Variants in TACC2 observed in about 807,000 individuals in gnomAD.
TACC2 encodes transforming acidic coiled-coil-containing protein 2.
TACC2 carries 137 observed loss-of-function variants against 227.3 expected under a neutral mutation model. The observed-to-expected ratio is 0.60, with a 90% confidence interval of 0.52 to 0.69. The LOEUF (loss-of-function observed/expected upper bound fraction) is 0.69, where lower values mean the gene tolerates loss of function less well. TACC2 is among the 30% of genes least tolerant of loss of function. The pLI, the probability that TACC2 is intolerant of heterozygous loss-of-function variation, is 0.00. For synonymous variants in TACC2, 1,523 were observed against 1,487.5 expected (o/e 1.02, Z -0.55); for missense variants, 3,470 against 3,694.4 (o/e 0.94, Z 1.57).
chr10:122,210,358 C>T lies in TACC2; in HGVS notation c.5972-39C>T. 1 of 1,526,550 alleles carries T rather than the reference C, an allele frequency of 6.6e-7. No homozygotes were observed. The highest frequency in any genetic ancestry group is 9.1e-7 in the Non-Finnish European group (1 of 1,100,756). The allele number at this position is 1,526,550 out of a possible 1,614,324, so 94.6% of individuals were successfully genotyped here. On this transcript the variant is annotated intron_variant, in intron 8 of 22. Transcript: ENST00000369005. This position sits in a 1 kb window ranked among gnomAD's most constrained non-coding sequence, Gnocchi z 4.6. ...AAGAGGAGAGGTGCCCCAATGCGTC[C>T]TGTGTCTGTAATTGATGGCGTTGTC...
Position 122,050,508 on chromosome 10 carries a change from A to T in TACC2, c.104A>T (p.Gln35Leu), listed in dbSNP as rs758882459. The change falls in exon 3 of 23, where the codon CAG becomes CTG. Residue 35 changes from glutamine to leucine, a missense_variant. Around this residue, in one of 10 missense-constraint regions of TACC2, gnomAD observed 405 missense variants for 389.6 expected, o/e 1.04. Coordinates refer to ENST00000369005, the MANE Select transcript of TACC2 (RefSeq NM_206862.4). This position sits in a 1 kb window ranked among gnomAD's most constrained non-coding sequence, Gnocchi z 4.6. ...AACAGTCAGAATATAAAAAGGAAGC[A>T]GCAGGACACGCCCGGAAGCCCTGAC... Reference protein sequence around the residue: ...PGNSQNIKRKQQDTPGSPDHR... With the variant: ...PGNSQNIKRKLQDTPGSPDHR... The T allele has an allele frequency of 5.6e-6, 9 of 1,614,148 alleles. No homozygotes were observed. Among genetic ancestry groups the T allele is most frequent in the Non-Finnish European group, 7.6e-6 (9 of 1,180,026 alleles).
At chr10:122,220,049 A>AG (rs1241829184) in intron 11 of TACC2, among the ~76,000 whole-genome samples, 4 of 151,962 alleles carry the variant, frequency 2.6e-5, no homozygotes, top group Non-Finnish European at 4.4e-5. Flanking sequence ...AAAAAAAAAA[A>AG]AAGAAAAAAG....
At chr10:122,130,415 G>A (rs1274805199) in intron 5 of TACC2, among the ~76,000 whole-genome samples, 1 of 152,082 alleles carries the variant, frequency 6.6e-6, no homozygotes, top group Non-Finnish European at 1.5e-5. Context: ...GGGGGGTAGG[G>A]CTGAGGGTCA....
chr10:122,158,406 C>A (rs1160359268), intron 7 of TACC2, among the ~76,000 whole-genome samples: 3 of 151,024 alleles, frequency 2.0e-5, no homozygotes, highest in Non-Finnish European at 4.4e-5. Flanking sequence ...AAAAAAAAAA[C>A]AAAAACAAAA....
intron 7 of TACC2, among the ~76,000 whole-genome samples, chr10:122,152,703 A>G (rs1200950434): frequency 2.6e-5 from 4 of 152,222 alleles, no homozygotes; most frequent in African/African-American, 9.6e-5. Context: ...ACATCTGTCC[A>G]GACTGACGTA....
chr10:122,227,822 C>A lies in TACC2; in HGVS notation c.7725-15C>A. 6.2e-7 allele frequency: 1 copy of A among 1,601,246 alleles called. No homozygotes were observed. Among genetic ancestry groups the A allele is most frequent in the South Asian group, 1.1e-5 (1 of 89,582 alleles). On this transcript the variant is annotated splice_polypyrimidine_tract_variant and intron_variant, in intron 13 of 22. Transcript: ENST00000369005. Reference sequence around the variant, plus strand: ...AATGAGAAGACTAAAGAAAGATGCCCTTTGCTTCCCCCAGGTCAAGTTTTG... The same window carrying A: ...AATGAGAAGACTAAAGAAAGATGCCATTTGCTTCCCCCAGGTCAAGTTTTG...
chr10:122,157,516 A>AT (rs55961900), intron 7 of TACC2, among the ~76,000 whole-genome samples: 202 of 145,154 alleles, frequency 1.4e-3, no homozygotes, highest in African/African-American at 3.7e-3. Flanking sequence ...CATCCATGGG[A>AT]TTTTTTTTTT....
chr10:121,997,300 G>C (rs1014194872), intron 1 of TACC2, among the ~76,000 whole-genome samples: 1 of 152,248 alleles, frequency 6.6e-6, no homozygotes, highest in East Asian at 1.9e-4. Flanking sequence ...CTGGTCTGAG[G>C]GTGGATGGAT....
chr10:122,020,116 T>G (rs1164042473), intron 1 of TACC2, among the ~76,000 whole-genome samples: 3 of 152,184 alleles, frequency 2.0e-5, no homozygotes, highest in African/African-American at 7.2e-5. Context: ...TGGTTAATGA[T>G]TGTCACAAAT....
rs2080140749 is a variant in TACC2 at position 122,086,809 on chromosome 10, G to C, written c.4309G>C (p.Ala1437Pro). Residue 1437 changes from alanine to proline, a missense_variant, in exon 4 of 23, where the codon GCA (alanine) becomes CCA (proline). Around this residue, in one of 10 missense-constraint regions of TACC2, gnomAD observed 1,924 missense variants for 1,978.3 expected, o/e 0.97. Transcript: ENST00000369005. ...PGEKAGAGRS[A>P]VGKDLTRPLG... ...AGAAAAGGCAGGAGCTGGGAGGAGT[G>C]CAGTGGGTAAAGACCTCACCAGGCC... The C allele has an allele frequency of 4.3e-6, 7 of 1,613,866 alleles. No homozygotes were observed. In the African/African-American group the frequency reaches 8.0e-5, roughly 18 times the overall value.
At chr10:122,102,475 T>C (rs894832116) in intron 5 of TACC2, among the ~76,000 whole-genome samples, 2 of 152,190 alleles carry the variant, frequency 1.3e-5, no homozygotes, top group African/African-American at 4.8e-5. Flanking sequence ...CTCACACTAC[T>C]GCGGCTGATC....
At chr10:122,142,337 G>A (rs1415124981) in intron 6 of TACC2, among the ~76,000 whole-genome samples, 4 of 152,250 alleles carry the variant, frequency 2.6e-5, no homozygotes, top group Non-Finnish European at 5.9e-5. Context: ...CGATCCTGCG[G>A]TGGATGTGGC....
chr10:122,122,874 G>A (rs2086117490), intron 5 of TACC2, among the ~76,000 whole-genome samples: 2 of 152,298 alleles, frequency 1.3e-5, no homozygotes, highest in Admixed American at 6.5e-5. Context: ...TTATTTAAAT[G>A]TGCTATAATA....
At chr10:122,235,363 C>T (rs746430280) in intron 16 of TACC2, among the ~76,000 whole-genome samples, 2 of 152,172 alleles carry the variant, frequency 1.3e-5, no homozygotes, top group South Asian at 2.1e-4. Context: ...GTTTGGATTA[C>T]AGGTGTGAGC....
At chr10:122,121,673 A>G (rs1308579203) in intron 5 of TACC2, among the ~76,000 whole-genome samples, 1 of 151,442 alleles carries the variant, frequency 6.6e-6, no homozygotes, top group East Asian at 2.0e-4. Context: ...GTGGCTGCAA[A>G]GCATCACATT....
intron 7 of TACC2, among the ~76,000 whole-genome samples, chr10:122,186,962 G>A (rs2094218116): frequency 6.6e-6 from 1 of 152,176 alleles, no homozygotes; most frequent in East Asian, 1.9e-4. Context: ...ATTCAGTCTG[G>A]CCTTTCTCCA....
Position 122,180,118 on chromosome 10 carries a change from C to T in TACC2, c.5835-14922C>T, listed in dbSNP as rs535691495. ...CAGGCGAGTCCTTTCCCCGTGTAAC[C>T]CTCAGTGGCTTTCAGACTCCTCATG... On this transcript the variant is annotated intron_variant, in intron 7 of 22. Transcript: ENST00000369005. The surrounding 1 kb of genome is among the most constrained non-coding windows in gnomAD (Gnocchi z 4.5). Among the ~76,000 whole-genome samples the T allele has an allele frequency of 1.3e-5, 2 of 151,970 alleles. No homozygotes were observed. The highest frequency in any genetic ancestry group is 3.9e-4 in the East Asian group (2 of 5,146).
In TACC2 at chr10:122,014,534, G is replaced by A. The variant is rs375504039; in HGVS notation, c.-45-7403G>A. On this transcript the variant is annotated intron_variant, in intron 1 of 22. Transcript: ENST00000369005. ...CCAAGACCTGTGTGATCTTGTCTCC[G>A]ATTCCTTAGCTCCCTGCCCCTCTCC... Among the ~76,000 whole-genome samples the A allele has an allele frequency of 2.2e-4, 34 of 152,148 alleles. No homozygotes were observed. The East Asian group carries it at 5.4e-3, about 24-fold the overall frequency.
chr10:122,200,345 T>G (rs903715137), intron 8 of TACC2, among the ~76,000 whole-genome samples: 5 of 151,908 alleles, frequency 3.3e-5, no homozygotes, highest in African/African-American at 1.2e-4. Flanking sequence ...TGAGGAGACA[T>G]GAGAGGATGG....
Sources: gnomAD v4.1 joint callset for allele counts (sites outside exome capture counted in the v4.1 genomes callset) on GRCh38, gnomAD v4.1.1 for gene constraint, gnomAD v4.1.1 regional missense constraint, Gnocchi (gnomAD v3.1) non-coding constraint, MANE v1.5 for transcripts, NCBI Gene and HGNC (gene_info 2026-07-23, HGNC 2026-07-21) for gene names.